Variants in KCNIP4 observed in about 807,000 individuals in gnomAD.
KCNIP4 encodes the protein Kv channel-interacting protein 4.
KCNIP4 carries 12 observed loss-of-function variants against 34.0 expected under a neutral mutation model. That is an observed-to-expected ratio of 0.35 (90% CI 0.23 to 0.57). KCNIP4 has a LOEUF of 0.57. Ranked by LOEUF, KCNIP4 falls within the 20% of genes least tolerant of loss-of-function variation. KCNIP4 has a pLI of 0.83. For missense variants in KCNIP4, 238 were observed against 311.7 expected (o/e 0.76, Z 1.78); for synonymous variants, 124 against 102.2 (o/e 1.21, Z -1.29).
chr4:21,656,324 T>C lies in KCNIP4; in HGVS notation c.61+292247A>G, dbSNP rs565522001. Reference sequence around the variant, plus strand: ...TCACATTGGATTAAGGGCCCATATTTCTGCAGTATGACCTCATCTTAACTA... The same window carrying C: ...TCACATTGGATTAAGGGCCCATATTCCTGCAGTATGACCTCATCTTAACTA... On this transcript the variant is annotated intron_variant, in intron 1 of 8. Transcript: ENST00000382152. Among the ~76,000 whole-genome samples the C allele has an allele frequency of 2.6e-5, 4 of 152,320 alleles. No individual in the cohort carries two copies. The East Asian group carries it at 7.7e-4, about 29-fold the overall frequency.
intron 1 of KCNIP4, among the ~76,000 whole-genome samples, chr4:21,581,549 G>A (rs1741199306): frequency 6.6e-6 from 1 of 151,946 alleles, no homozygotes; most frequent in Non-Finnish European, 1.5e-5. Context: ...TATTTTCAAA[G>A]CCTCTGCTCC....
chr4:20,999,108 A>C (rs1213784208), intron 1 of KCNIP4, among the ~76,000 whole-genome samples: 1 of 152,210 alleles, frequency 6.6e-6, no homozygotes, highest in African/African-American at 2.4e-5. Flanking sequence ...TTTTCTGACA[A>C]AAAGACATCA....
intron 1 of KCNIP4, among the ~76,000 whole-genome samples, chr4:21,811,699 A>C (rs1721664151): frequency 6.6e-6 from 1 of 152,190 alleles, no homozygotes; most frequent in Non-Finnish European, 1.5e-5. Flanking sequence ...TGTAAGACTA[A>C]ATGAATGTAG....
intron 1 of KCNIP4, among the ~76,000 whole-genome samples, chr4:21,041,998 A>G (rs962047731): frequency 6.6e-6 from 1 of 152,192 alleles, no homozygotes; most frequent in African/African-American, 2.4e-5. Context: ...CAAGGATTGG[A>G]TTAGGTGACC....
At chr4:20,803,173 A>G (rs1339476061) in intron 3 of KCNIP4, among the ~76,000 whole-genome samples, 1 of 151,804 alleles carries the variant, frequency 6.6e-6, no homozygotes, top group Non-Finnish European at 1.5e-5. Flanking sequence ...CTAAGAGGAA[A>G]ATTTATTGCA....
chr4:21,434,068 C>G (rs949739140), intron 1 of KCNIP4, among the ~76,000 whole-genome samples: 3 of 152,134 alleles, frequency 2.0e-5, no homozygotes, highest in Admixed American at 6.5e-5. Flanking sequence ...CAGAAGTAAC[C>G]TGCCCAAGAT....
chr4:21,235,348 T>C (rs566960520), intron 1 of KCNIP4, among the ~76,000 whole-genome samples: 145 of 152,280 alleles, frequency 9.5e-4, no homozygotes, highest in African/African-American at 2.2e-3. Flanking sequence ...TCTCTCTCTC[T>C]ACCTCAGTTC....
intron 1 of KCNIP4, among the ~76,000 whole-genome samples, chr4:21,651,089 T>C (rs1312881360): frequency 7.6e-6 from 1 of 132,362 alleles, no homozygotes; most frequent in Non-Finnish European, 1.7e-5. Context: ...CCACTGAACA[T>C]GATCTCCTTT....
intron 1 of KCNIP4, among the ~76,000 whole-genome samples, chr4:21,866,568 T>C (rs1725429245): frequency 6.6e-6 from 1 of 152,134 alleles, no homozygotes; most frequent in South Asian, 2.1e-4. Context: ...GTCACGTGCA[T>C]AATGCATACA....
chr4:21,868,096 T>C (rs1282074767), intron 1 of KCNIP4, among the ~76,000 whole-genome samples: 1 of 152,194 alleles, frequency 6.6e-6, no homozygotes, highest in Non-Finnish European at 1.5e-5. Flanking sequence ...CAAGGGATAA[T>C]TAATCTTTTC....
intron 1 of KCNIP4, among the ~76,000 whole-genome samples, chr4:21,084,033 G>A (rs1005837727): frequency 6.6e-6 from 1 of 151,820 alleles, no homozygotes; most frequent in Admixed American, 6.6e-5. Context: ...CTGAGATATA[G>A]CCTACATTGA....
intron 1 of KCNIP4, among the ~76,000 whole-genome samples, chr4:21,463,246 T>C (rs921299562): frequency 6.6e-6 from 1 of 152,182 alleles, no homozygotes; most frequent in Non-Finnish European, 1.5e-5. Context: ...GTGTTTTGAT[T>C]TGCATTTCCA....
chr4:21,645,992 C>A (rs1746982031), intron 1 of KCNIP4, among the ~76,000 whole-genome samples: 1 of 152,168 alleles, frequency 6.6e-6, no homozygotes, highest in African/African-American at 2.4e-5. Context: ...TATCACCAGA[C>A]CTGCAGTAAT....
chr4:21,866,762 ATTTTTTTTTTT>A (rs770568451), intron 1 of KCNIP4, among the ~76,000 whole-genome samples: 4 of 82,696 alleles, frequency 4.8e-5, no homozygotes, highest in Non-Finnish European at 8.5e-5. Context: ...TTCAGCCTGG[ATTTTTTTTTTT>A]TTTTTTTTTT....
chr4:21,907,918 G>A (rs191834016), intron 1 of KCNIP4, among the ~76,000 whole-genome samples: 5 of 152,178 alleles, frequency 3.3e-5, no homozygotes, highest in Admixed American at 2.0e-4. Flanking sequence ...AGTTTAAATT[G>A]TATCTGGTAT....
intron 2 of KCNIP4, among the ~76,000 whole-genome samples, chr4:20,875,631 A>G (rs970042478): frequency 6.6e-6 from 1 of 152,190 alleles, no homozygotes; most frequent in Admixed American, 6.5e-5. Flanking sequence ...GTTCTTCCAC[A>G]GATTTTCCTG....
At chr4:21,742,991 A>T (rs1358675246) in intron 1 of KCNIP4, among the ~76,000 whole-genome samples, 1 of 152,208 alleles carries the variant, frequency 6.6e-6, no homozygotes, top group Non-Finnish European at 1.5e-5. Flanking sequence ...AGAGTGTAAT[A>T]GGCTACCATA....
intron 3 of KCNIP4, among the ~76,000 whole-genome samples, chr4:20,833,759 A>T (rs746021697): frequency 1.3e-5 from 2 of 152,164 alleles, no homozygotes; most frequent in Non-Finnish European, 2.9e-5. Flanking sequence ...ACACTCATAA[A>T]TGTCCTTCAA....
intron 1 of KCNIP4, among the ~76,000 whole-genome samples, chr4:21,408,338 A>G (rs1724182408): frequency 6.6e-6 from 1 of 152,220 alleles, no homozygotes; most frequent in African/African-American, 2.4e-5. Flanking sequence ...TTTGTTAATC[A>G]GGAGAATGTT....
Sources: allele counts gnomAD v4.1 joint callset (sites outside exome capture counted in the v4.1 genomes callset), GRCh38; gene constraint gnomAD v4.1.1; transcripts MANE v1.5; gene names NCBI Gene and HGNC (gene_info 2026-07-23, HGNC 2026-07-21).